UHRF2: variants seen among roughly 807,000 people sequenced by gnomAD.
The protein encoded by UHRF2 is E3 ubiquitin-protein ligase UHRF2.
In UHRF2, 23 loss-of-function variants were observed where a neutral mutation model predicts 96.8. That is an observed-to-expected ratio of 0.24 (90% CI 0.17 to 0.34). The LOEUF (loss-of-function observed/expected upper bound fraction) is 0.34, where lower values mean the gene tolerates loss of function less well. Among genes scored for constraint, UHRF2 ranks in the 10% least tolerant of loss-of-function variants. The pLI is 1.00. For missense variants in UHRF2, 685 were observed against 981.5 expected (o/e 0.70, Z 4.04); for synonymous variants, 385 against 332.6 (o/e 1.16, Z -1.72).
At position 6,433,904 on chromosome 9, in the gene UHRF2, C is replaced by G; in HGVS notation, c.385-10C>G. On this transcript the variant is annotated splice_polypyrimidine_tract_variant and intron_variant, in intron 2 of 15. Coordinates refer to ENST00000276893, the MANE Select transcript of UHRF2 (RefSeq NM_152896.3). Reference sequence around the variant, plus strand: ...TTAAGCTTCATTAACTGATTTTAAACTTTTTTTAGGTAAATGAATTGGTGG... The same window carrying G: ...TTAAGCTTCATTAACTGATTTTAAAGTTTTTTTAGGTAAATGAATTGGTGG... 6.3e-7 allele frequency: 1 copy of G among 1,595,510 alleles called. No homozygotes were observed.
At chr9:6,503,522 A>G (rs1416669588) in intron 14 of UHRF2, among the ~76,000 whole-genome samples, 1 of 152,068 alleles carries the variant, frequency 6.6e-6, no homozygotes, top group East Asian at 1.9e-4. Flanking sequence ...ATTTCCTCCT[A>G]CTGTAAATAA....
intron 2 of UHRF2, among the ~76,000 whole-genome samples, chr9:6,426,255 T>C (rs1278800094): frequency 6.6e-6 from 1 of 152,248 alleles, no homozygotes; most frequent in Non-Finnish European, 1.5e-5. Context: ...TTAAACTCTA[T>C]TTGACATCTC....
chr9:6,471,563 G>C (rs976926806), intron 4 of UHRF2, among the ~76,000 whole-genome samples: 2 of 152,178 alleles, frequency 1.3e-5, no homozygotes, highest in Non-Finnish European at 2.9e-5. Flanking sequence ...AGGGAAGCCA[G>C]TTGCATGTGA....
At chr9:6,497,916 G>A (rs1165121369) in intron 11 of UHRF2, 102 bp from the exon 12 acceptor site, 2 of 1,416,982 alleles carry the variant, frequency 1.4e-6, no homozygotes, top group Non-Finnish European at 9.6e-7. Context: ...AGAATATTCA[G>A]AAGTTGCATT....
chr9:6,438,274 T>G (rs1001103292), intron 3 of UHRF2, among the ~76,000 whole-genome samples: 1 of 152,184 alleles, frequency 6.6e-6, no homozygotes, highest in Non-Finnish European at 1.5e-5. Context: ...AAACTAGCAT[T>G]GGCCATTTTC....
At position 6,434,329 on chromosome 9, in the gene UHRF2, T is replaced by C. The variant is rs112348823; in HGVS notation, c.644+156T>C. On this transcript the variant is annotated intron_variant, in intron 3 of 15. Transcript: ENST00000276893. ...TGGTTTTGGTGGTTGTACTCTAATT[T>C]AAAGGTCCTTTTAGCTCTCGATTAT... 7.4e-5 allele frequency: 62 copies of C among 835,696 alleles called. No individual in the cohort carries two copies. The Middle Eastern group carries it at 1.8e-3, about 25-fold the overall frequency. The allele number at this position is 835,696 out of a possible 1,614,324, so 51.8% of individuals were successfully genotyped here.
intron 9 of UHRF2, among the ~76,000 whole-genome samples, chr9:6,491,561 G>GA (rs1488055319): frequency 6.6e-6 from 1 of 152,180 alleles, no homozygotes; most frequent in African/African-American, 2.4e-5. Context: ...TTGTGCTTTG[G>GA]AATTATTTAT....
intron 2 of UHRF2, among the ~76,000 whole-genome samples, chr9:6,432,953 G>T (rs1454175329): frequency 6.6e-6 from 1 of 151,782 alleles, no homozygotes; most frequent in African/African-American, 2.4e-5. Flanking sequence ...TGATTCTCCT[G>T]CCTTAGCCTC....
intron 4 of UHRF2, among the ~76,000 whole-genome samples, chr9:6,470,234 G>A (rs1239220076): frequency 6.6e-6 from 1 of 151,966 alleles, no homozygotes; most frequent in South Asian, 2.1e-4. Flanking sequence ...TTAGCCATAC[G>A]TGGTAGTGCA....
intron 11 of UHRF2, 77 bp downstream of exon 11, chr9:6,497,437 T>A: frequency 6.6e-7 from 1 of 1,516,458 alleles, no homozygotes; most frequent in Non-Finnish European, 9.0e-7. Context: ...GGAACTACTG[T>A]GGGTGGGCTC....
intron 3 of UHRF2, among the ~76,000 whole-genome samples, chr9:6,442,035 G>C (rs368536732): frequency 1.3e-5 from 2 of 152,148 alleles, no homozygotes; most frequent in South Asian, 4.1e-4. Context: ...GCACGATCTT[G>C]GCTCACTGCA....
rs566544322 is a variant in UHRF2, at chr9:6,488,365, A to G, written c.1497+1440A>G. On this transcript the variant is annotated intron_variant, in intron 9 of 15. Coordinates refer to ENST00000276893, the MANE Select transcript of UHRF2 (RefSeq NM_152896.3). ...TTTCTCCCAGTGGTGACATCTTGCA[A>G]AACTATATAGTACAATATCAGAACC... Among the ~76,000 whole-genome samples, 21 of 149,336 alleles carry G rather than the reference A, an allele frequency of 1.4e-4. No homozygotes were observed. The East Asian group carries it at 2.9e-3, about 21-fold the overall frequency.
At chr9:6,488,540 CTTTTTTT>C (rs58280407) in intron 9 of UHRF2, among the ~76,000 whole-genome samples, 856 of 83,818 alleles carry the variant, frequency 0.01, 5 homozygotes, top group African/African-American at 0.037. Flanking sequence ...TTTTTCTTTT[CTTTTTTT>C]TTTTTTTTTT....
At chr9:6,448,063 A>G (rs1032989486) in intron 3 of UHRF2, among the ~76,000 whole-genome samples, 1 of 152,232 alleles carries the variant, frequency 6.6e-6, no homozygotes, top group Non-Finnish European at 1.5e-5. Context: ...AGATGCTAGC[A>G]TGAAAGCTGT....
chr9:6,479,606 C>G (rs1038460769), intron 6 of UHRF2, among the ~76,000 whole-genome samples: 23 of 152,098 alleles, frequency 1.5e-4, no homozygotes, highest in African/African-American at 4.8e-4. Flanking sequence ...TATCTAATTT[C>G]CCCTGGGCTT....
intron 2 of UHRF2, among the ~76,000 whole-genome samples, chr9:6,431,096 C>G (rs1360718042): frequency 6.6e-6 from 1 of 152,138 alleles, no homozygotes; most frequent in Non-Finnish European, 1.5e-5. Context: ...AAGTATTTTT[C>G]CTCTGAACTG....
intron 3 of UHRF2, among the ~76,000 whole-genome samples, chr9:6,447,116 C>G (rs1204868150): frequency 6.6e-6 from 1 of 152,054 alleles, no homozygotes; most frequent in Non-Finnish European, 1.5e-5. Context: ...GTCTTGATCT[C>G]CTGACCTCAT....
Position 6,482,784 on chromosome 9 carries a change from G to T in UHRF2, c.1392+685G>T, listed in dbSNP as rs1426493185. On this transcript the variant is annotated intron_variant, in intron 8 of 15. Coordinates refer to ENST00000276893, the MANE Select transcript of UHRF2 (RefSeq NM_152896.3). Reference sequence around the variant, plus strand: ...GCTAATTTCTTGTATTTGTAGTAGAGACGAGGTTTCACCGTGTTAGCCAGG... The same window carrying T: ...GCTAATTTCTTGTATTTGTAGTAGATACGAGGTTTCACCGTGTTAGCCAGG... Among the ~76,000 whole-genome samples, 4 of 152,036 alleles carry T rather than the reference G, an allele frequency of 2.6e-5. No individual in the cohort carries two copies. In the East Asian group the frequency reaches 5.8e-4, roughly 22 times the overall value.
At chr9:6,503,242 C>T (rs868399051) in intron 14 of UHRF2, among the ~76,000 whole-genome samples, 4 of 152,116 alleles carry the variant, frequency 2.6e-5, no homozygotes, top group African/African-American at 9.7e-5. Context: ...ATGATCCACC[C>T]GCCTCAGCCT....
Sources: gnomAD v4.1 joint callset for allele counts (sites outside exome capture counted in the v4.1 genomes callset) on GRCh38, gnomAD v4.1.1 for gene constraint, MANE v1.5 for transcripts, NCBI Gene and HGNC (gene_info 2026-07-23, HGNC 2026-07-21) for gene names.